CLCA1: variants seen among roughly 807,000 people sequenced by gnomAD.
The protein encoded by CLCA1 is calcium-activated chloride channel regulator 1.
A neutral mutation model predicts 85.6 loss-of-function variants in CLCA1; 59 were observed. That is an observed-to-expected ratio of 0.69 (90% confidence interval 0.56 to 0.86). The LOEUF (loss-of-function observed/expected upper bound fraction) is 0.86, where lower values mean the gene tolerates loss of function less well. Ranked by LOEUF, CLCA1 falls within the 40% of genes least tolerant of loss-of-function variation. The probability of loss-of-function intolerance (pLI) is 0.00; values close to 1 mark genes in which losing one functional copy is unlikely to be tolerated. For missense variants in CLCA1, 1,022 were observed against 1,101.4 expected, an observed-to-expected ratio of 0.93 and a Z score of 1.02; for synonymous variants, 396 against 398.3, an observed-to-expected ratio of 0.99 and a Z score of 0.07.
rs1478982989 is a variant in CLCA1 at position 86,499,861 on chromosome 1, C to A, written c.2561C>A (p.Ser854Ter). Residue 854 changes from serine to a stop codon, truncating the protein, a stop_gained, in exon 14 of 14, where the codon TCA becomes TAA. Transcript: ENST00000394711. LOFTEE classifies it high-confidence loss of function. ...IQAVDKVDLK[S>*]EISNIARVSL... ...GCTGTTGATAAGGTCGATCTGAAATCAGAAATATCCAACATTGCACGAGTA... is the reference window on the plus strand; with the variant it reads ...GCTGTTGATAAGGTCGATCTGAAATAAGAAATATCCAACATTGCACGAGTA... 1 of 1,613,622 alleles carries A rather than the reference C, an allele frequency of 6.2e-7. No individual in the cohort carries two copies. The highest frequency in any genetic ancestry group is 8.5e-7 in the Non-Finnish European group (1 of 1,179,524).
chr1:86,489,418 C>G (rs531216693), intron 8 of CLCA1, among the ~76,000 whole-genome samples: 1 of 152,336 alleles, frequency 6.6e-6, no homozygotes, highest in Admixed American at 6.5e-5. Context: ...GACTCAGGAC[C>G]TTCTTCCCGG....
At chr1:86,482,566 G>A (rs963201103) in intron 5 of CLCA1, among the ~76,000 whole-genome samples, 184 bp downstream of exon 5, 1 of 152,080 alleles carries the variant, frequency 6.6e-6, no homozygotes, top group African/African-American at 2.4e-5. Flanking sequence ...TACCCTCCTC[G>A]TGTCCACGCT....
chr1:86,491,551 G>A (rs1648134685), intron 9 of CLCA1, among the ~76,000 whole-genome samples, 180 bp downstream of exon 9: 1 of 152,162 alleles, frequency 6.6e-6, no homozygotes, highest in Non-Finnish European at 1.5e-5. Context: ...TTTAAACAAG[G>A]CAATTAGTGT....
chr1:86,497,174 A>C (rs1648314097), intron 12 of CLCA1, among the ~76,000 whole-genome samples: 1 of 152,230 alleles, frequency 6.6e-6, no homozygotes, highest in African/African-American at 2.4e-5. Context: ...CAGAAGCTAG[A>C]GAGCTTATGG....
chr1:86,488,770 G>A (rs2075631), intron 7 of CLCA1, among the ~76,000 whole-genome samples: 71,809 of 151,982 alleles, frequency 0.47, 17,253 homozygotes, highest in Admixed American at 0.57. Context: ...ATCCCACACC[G>A]TCCCTCTCTG....
In CLCA1 at chr1:86,493,616, T is replaced by C. The variant is rs1339274126; in HGVS notation, c.1680+17T>C. ...ATTGCTAAGGTATGGAGTCAGCTTT[T>C]TTTCTTTCTCATAATTCAACAAGAT... On this transcript the variant is annotated intron_variant, in intron 10 of 13. Coordinates refer to ENST00000394711, the MANE Select transcript of CLCA1 (RefSeq NM_001285.4). 23 of 1,569,760 alleles carry C rather than the reference T, an allele frequency of 1.5e-5. No homozygotes were observed. Among genetic ancestry groups the C allele is most frequent in the Non-Finnish European group, 2.0e-5 (23 of 1,141,704 alleles).
chr1:86,482,172 T>C (rs1232921447), intron 4 of CLCA1, 33 bp from the exon 5 acceptor site: 4 of 1,540,812 alleles, frequency 2.6e-6, no homozygotes, highest in Non-Finnish European at 3.6e-6. Flanking sequence ...AATGACGACA[T>C]CACCTAAACA....
chr1:86,470,057 T>C (rs558092955), intron 1 of CLCA1, among the ~76,000 whole-genome samples: 4 of 152,298 alleles, frequency 2.6e-5, no homozygotes, highest in South Asian at 4.1e-4. Context: ...GCCTGGTACA[T>C]AGTAAGAGCT....
In CLCA1 at chr1:86,499,987, T is replaced by A; in HGVS notation, c.2687T>A (p.Ile896Asn). 1 of 1,613,146 alleles carries A rather than the reference T, an allele frequency of 6.2e-7. No individual in the cohort carries two copies. The highest frequency in any genetic ancestry group is 1.1e-5 in the South Asian group (1 of 91,054). Reference protein sequence around the residue: ...NIHINSTIPGIHILKIMWKWI... With the variant: ...NIHINSTIPGNHILKIMWKWI... ...CATATCAACAGCACCATTCCTGGCA[T>A]TCACATTTTAAAAATTATGTGGAAG... Residue 896 changes from isoleucine to asparagine, a missense_variant, in exon 14 of 14, where the codon ATT (isoleucine) becomes AAT (asparagine). Ile to Asn is a moderately radical substitution (Grantham distance 149). Coordinates refer to ENST00000394711, the MANE Select transcript of CLCA1 (RefSeq NM_001285.4).
intron 1 of CLCA1, among the ~76,000 whole-genome samples, chr1:86,469,669 T>C (rs1431501779): frequency 1.3e-5 from 2 of 152,196 alleles, no homozygotes; most frequent in African/African-American, 4.8e-5. Flanking sequence ...GATTTCTTGC[T>C]ACCTCTTATG....
At chr1:86,474,381 C>T (rs867264036) in intron 3 of CLCA1, among the ~76,000 whole-genome samples, 1 of 152,090 alleles carries the variant, frequency 6.6e-6, no homozygotes, top group Non-Finnish European at 1.5e-5. Flanking sequence ...AGTGAAACCC[C>T]GTCTCTACTA....
At chr1:86,490,045 C>T (rs1487327145) in intron 8 of CLCA1, among the ~76,000 whole-genome samples, 2 of 152,234 alleles carry the variant, frequency 1.3e-5, no homozygotes, top group Non-Finnish European at 2.9e-5. Context: ...CGGAGTCTAG[C>T]TGTGCCCACA....
chr1:86,472,691 A>G (rs1455210302), intron 1 of CLCA1, among the ~76,000 whole-genome samples: 5 of 152,234 alleles, frequency 3.3e-5, no homozygotes, highest in Non-Finnish European at 1.5e-5. Context: ...TTGAAAATAT[A>G]TAATTATGCT....
intron 4 of CLCA1, among the ~76,000 whole-genome samples, chr1:86,481,622 C>T (rs1647825214): frequency 6.6e-6 from 1 of 151,906 alleles, no homozygotes; most frequent in Non-Finnish European, 1.5e-5. Context: ...TTTCTTCATG[C>T]TTTTTGCCAT....
chr1:86,486,442 C>G, intron 6 of CLCA1, 84 bp from the exon 7 acceptor site: 1 of 1,239,280 alleles, frequency 8.1e-7, no homozygotes, highest in Non-Finnish European at 1.2e-6. Flanking sequence ...ATTAAGGCAG[C>G]CACTTCCAAA....
intron 4 of CLCA1, among the ~76,000 whole-genome samples, chr1:86,481,898 G>C (rs1246649430): frequency 3.9e-5 from 6 of 152,196 alleles, no homozygotes; most frequent in Non-Finnish European, 8.8e-5. Context: ...TAGGGATGAA[G>C]GGAATAGATT....
chr1:86,482,700 A>G (rs1647851854), intron 5 of CLCA1, among the ~76,000 whole-genome samples: 1 of 152,226 alleles, frequency 6.6e-6, no homozygotes, highest in African/African-American at 2.4e-5. Flanking sequence ...CAGGGGGATT[A>G]GGCAGTTCCT....
intron 11 of CLCA1, among the ~76,000 whole-genome samples, 193 bp from the exon 12 acceptor site, chr1:86,495,312 A>G (rs1648247961): frequency 6.6e-6 from 1 of 152,248 alleles, no homozygotes; most frequent in South Asian, 2.1e-4. Flanking sequence ...TCAAGAAGAC[A>G]GAATGTATAC....
At chr1:86,489,318 T>C in intron 8 of CLCA1, 148 bp downstream of exon 8, 1 of 725,622 alleles carries the variant, frequency 1.4e-6, no homozygotes, top group Non-Finnish European at 2.2e-6. Context: ...GAATGACTGT[T>C]TAAGTGGACT....
Sources: allele counts gnomAD v4.1 joint callset (sites outside exome capture counted in the v4.1 genomes callset), GRCh38; gene constraint gnomAD v4.1.1; transcripts MANE v1.5; gene names NCBI Gene and HGNC (gene_info 2026-07-23, HGNC 2026-07-21).